Variants in G2E3 observed in about 807,000 individuals in gnomAD.
The protein encoded by G2E3 is G2/M-phase specific E3 ubiquitin protein ligase, also known as G2/M phase-specific E3 ubiquitin-protein ligase.
In G2E3, 35 loss-of-function variants were observed where a neutral mutation model predicts 92.8. The observed-to-expected ratio is 0.38, with a 90% CI of 0.29 to 0.50. The LOEUF (loss-of-function observed/expected upper bound fraction) is 0.50, where lower values mean the gene tolerates loss of function less well. Among genes scored for constraint, G2E3 ranks in the 20% least tolerant of loss-of-function variants. G2E3 has a pLI of 0.94. For synonymous variants in G2E3, 242 were observed against 272.4 expected, an observed-to-expected ratio of 0.89 and a Z score of 1.10; for missense variants, 554 against 823.8, an observed-to-expected ratio of 0.67 and a Z score of 4.01.
intron 6 of G2E3, among the ~76,000 whole-genome samples, chr14:30,594,992 G>C (rs1035667142): frequency 6.6e-6 from 1 of 151,610 alleles, no homozygotes; most frequent in Non-Finnish European, 1.5e-5. Flanking sequence ...AAAAAAATTA[G>C]CTGGGCGTGG....
intron 1 of G2E3, chr14:30,560,842 G>A (rs1157632406): frequency 1.4e-6 from 1 of 700,076 alleles, no homozygotes; most frequent in Admixed American, 2.0e-5. Flanking sequence ...TTAACTGAAA[G>A]GTTAGAAAAT....
At position 30,620,035 on chromosome 14, in the gene G2E3, C is replaced by T. The variant is rs192987812; in HGVS notation, c.*3501C>T. ...CTATGTATCCTCTAATGTAAAATAG[C>T]TTACCAGAATAAATTATTTAAGCCA... On this transcript the variant is annotated 3_prime_UTR_variant, in exon 15 of 15. Transcript: ENST00000206595. 6.6e-6 allele frequency: 1 copy of T among 152,266 alleles called. No individual in the cohort carries two copies. The highest frequency in any genetic ancestry group is 2.4e-5 in the African/African-American group (1 of 41,564). 9.4% of individuals were successfully genotyped at this position (152,266 alleles called of 1,614,324 possible). A position where few individuals can be genotyped will look rare whatever the true frequency, so the allele number is the denominator to read the frequency against.
At chr14:30,603,873 G>T (rs1696313889) in intron 10 of G2E3, among the ~76,000 whole-genome samples, 1 of 152,192 alleles carries the variant, frequency 6.6e-6, no homozygotes, top group Non-Finnish European at 1.5e-5. Flanking sequence ...AACCTTAGAA[G>T]ATAGTAAAGA....
intron 11 of G2E3, among the ~76,000 whole-genome samples, chr14:30,606,415 A>G (rs76554654): frequency 1.4e-3 from 217 of 152,196 alleles, no homozygotes; most frequent in Non-Finnish European, 2.3e-3. Flanking sequence ...AAGGCATTTC[A>G]TTTCATTTGA....
At chr14:30,577,562 T>C (rs371023574) in intron 1 of G2E3, among the ~76,000 whole-genome samples, 5 of 152,304 alleles carry the variant, frequency 3.3e-5, no homozygotes, top group Admixed American at 2.0e-4. Context: ...CATGGCTTAT[T>C]CACATAACAG....
rs372572407 is a variant in G2E3, at chr14:30,579,906, AG to A, written c.-4-1168del. ...CTTAAATCTCATTAACATTTCTAGT[AG>A]GCTGTTCATATACCCTTGGTGAAGT... On this transcript the variant is annotated intron_variant, in intron 1 of 14. Transcript: ENST00000206595. 9.2e-5 allele frequency among the ~76,000 whole-genome samples: 14 copies of A among 152,338 alleles called. 1 individual carries two copies. Among genetic ancestry groups the A allele is most frequent in the African/African-American group, 3.1e-4 (13 of 41,580 alleles).
intron 1 of G2E3, among the ~76,000 whole-genome samples, chr14:30,565,649 CCTTTTTT>C (rs1216002983): frequency 2.8e-5 from 3 of 107,296 alleles, no homozygotes; most frequent in Admixed American, 9.7e-5. Context: ...CAACTTCATT[CCTTTTTT>C]TTTTTTTTTT....
intron 1 of G2E3, among the ~76,000 whole-genome samples, chr14:30,563,657 T>C (rs1384055869): frequency 6.6e-6 from 1 of 151,958 alleles, no homozygotes; most frequent in Non-Finnish European, 1.5e-5. Flanking sequence ...ACTAGTTATA[T>C]ATTGATAACT....
intron 2 of G2E3, among the ~76,000 whole-genome samples, chr14:30,581,435 A>G (rs1408650010): frequency 3.9e-5 from 6 of 152,204 alleles, no homozygotes; most frequent in Admixed American, 6.5e-5. Flanking sequence ...GGCCAGGTGC[A>G]GTGGCTCACG....
At chr14:30,615,704 T>A (rs1197182456) in intron 14 of G2E3, among the ~76,000 whole-genome samples, 165 bp downstream of exon 14, 2 of 152,172 alleles carry the variant, frequency 1.3e-5, no homozygotes, top group African/African-American at 2.4e-5. Context: ...TATGACTGAA[T>A]TAAAAATAAT....
intron 8 of G2E3, 44 bp from the exon 9 acceptor site, chr14:30,601,726 G>A (rs1881576664): frequency 6.2e-7 from 1 of 1,609,106 alleles, no homozygotes; most frequent in Admixed American, 1.7e-5. Flanking sequence ...GTTGAAACTA[G>A]AATAATAACA....
chr14:30,574,403 C>G (rs1879949594), intron 1 of G2E3: 1 of 151,314 alleles, frequency 6.6e-6, no homozygotes, highest in South Asian at 2.1e-4. Context: ...AAATAAAATA[C>G]AGTTCATCTT....
chr14:30,613,546 C>T (rs530363017), intron 13 of G2E3, among the ~76,000 whole-genome samples: 15 of 152,120 alleles, frequency 9.9e-5, no homozygotes, highest in African/African-American at 3.6e-4. Flanking sequence ...CCTAAGGAAC[C>T]TTTGTTATTT....
intron 12 of G2E3, among the ~76,000 whole-genome samples, chr14:30,609,860 C>CT (rs1882006915): frequency 2.0e-5 from 3 of 152,232 alleles, no homozygotes; most frequent in South Asian, 4.1e-4. Context: ...GTCAAGTCAC[C>CT]TGCCTCTAAG....
intron 2 of G2E3, 67 bp from the exon 3 acceptor site, chr14:30,586,651 C>A: frequency 1.8e-6 from 1 of 546,716 alleles, no homozygotes; most frequent in South Asian, 3.1e-5. Context: ...AGAGAAGCAC[C>A]AATTCCATAG....
At chr14:30,568,139 A>G (rs550270637) in intron 1 of G2E3, among the ~76,000 whole-genome samples, 1 of 152,088 alleles carries the variant, frequency 6.6e-6, no homozygotes, top group African/African-American at 2.4e-5. Flanking sequence ...TTCTTGATGG[A>G]TTGAACTTTT....
In G2E3 at chr14:30,598,289, G is replaced by A. The variant is rs1299839635; in HGVS notation, c.636-194G>A. 9.1e-6 allele frequency: 4 copies of A among 441,388 alleles called. No individual in the cohort carries two copies. In the East Asian group the frequency reaches 1.8e-4, roughly 19 times the overall value. 27.3% of individuals were successfully genotyped at this position (441,388 alleles called of 1,614,324 possible). A position where few individuals can be genotyped will look rare whatever the true frequency, so the allele number is the denominator to read the frequency against. ...TAATCCCAGCTACTTGGGAGGCTGA[G>A]GCAGGGAGAATCGCTTGAACCCGGC... On this transcript the variant is annotated intron_variant, in intron 7 of 14. Coordinates refer to ENST00000206595, the MANE Select transcript of G2E3 (RefSeq NM_017769.5).
intron 12 of G2E3, among the ~76,000 whole-genome samples, chr14:30,610,518 G>A (rs1281396964): frequency 6.6e-5 from 10 of 152,100 alleles, no homozygotes; most frequent in Non-Finnish European, 1.3e-4. Flanking sequence ...TGAAAGGCTC[G>A]CTTGAGCCCG....
intron 2 of G2E3, among the ~76,000 whole-genome samples, chr14:30,582,049 C>T (rs1880464826): frequency 6.6e-6 from 1 of 152,204 alleles, no homozygotes; most frequent in South Asian, 2.1e-4. Flanking sequence ...ACCTCTTCTA[C>T]TTTCTTTCCC....
Sources: allele counts gnomAD v4.1 joint callset (sites outside exome capture counted in the v4.1 genomes callset), GRCh38; gene constraint gnomAD v4.1.1; transcripts MANE v1.5; gene names NCBI Gene and HGNC (gene_info 2026-07-23, HGNC 2026-07-21).